Variants in CRX observed in about 807,000 individuals in gnomAD.
CRX encodes the protein cone-rod homeobox, also known as cone-rod homeobox protein.
CRX carries 5 observed loss-of-function variants against 13.1 expected under a neutral mutation model. The ratio of observed to expected loss-of-function variants is 0.38; its 90% CI spans 0.20 to 0.80. The LOEUF is 0.80. Ranked by LOEUF, CRX falls within the 30% of genes least tolerant of loss-of-function variation. The probability of loss-of-function intolerance (pLI) is 0.43; values close to 1 mark genes in which losing one functional copy is unlikely to be tolerated. For missense variants in CRX, 351 were observed against 391.8 expected, an observed-to-expected ratio of 0.90 and a Z score of 0.88; for synonymous variants, 179 against 171.1, an observed-to-expected ratio of 1.05 and a Z score of -0.36.
Position 47,839,186 on chromosome 19 carries a change from C to CA in CRX, c.253-133dup. On this transcript the variant is annotated intron_variant, in intron 3 of 3. Coordinates refer to ENST00000221996, the MANE Select transcript of CRX (RefSeq NM_000554.6). This position sits in a 1 kb window ranked among gnomAD's most constrained non-coding sequence, Gnocchi z 4.6. ...TGGATGGATGGGTGAATAGACGCCC[C>CA]ACAGCTGGATGCAAAGTAGACAGAT... 1 of 957,508 alleles carries CA rather than the reference C, an allele frequency of 1.0e-6. No homozygotes were observed. Among genetic ancestry groups the CA allele is most frequent in the East Asian group, 2.4e-5 (1 of 41,284 alleles). The allele number at this position is 957,508 out of a possible 1,614,324, so 59.3% of individuals were successfully genotyped here. A position where few individuals can be genotyped will look rare whatever the true frequency, so the allele number is the denominator to read the frequency against.
chr19:47,825,660 C>G (rs1967966284), intron 1 of CRX, among the ~76,000 whole-genome samples: 2 of 152,110 alleles, frequency 1.3e-5, no homozygotes, highest in South Asian at 4.1e-4. Context: ...TGGCCCACGC[C>G]TGTGATTCCA....
At chr19:47,834,285 T>G in intron 1 of CRX, 124 bp from the exon 2 acceptor site, 1 of 686,040 alleles carries the variant, frequency 1.5e-6, no homozygotes, top group Non-Finnish European at 2.7e-6. Flanking sequence ...TACAGAGAGG[T>G]GAGATAAATG....
At chr19:47,836,459 C>A in intron 3 of CRX, 65 bp downstream of exon 3, 1 of 1,601,340 alleles carries the variant, frequency 6.2e-7, no homozygotes, top group Non-Finnish European at 8.6e-7. Flanking sequence ...CTGCCCGGAA[C>A]AAAGAGTGAT....
chr19:47,828,739 C>T (rs73567759), intron 1 of CRX, among the ~76,000 whole-genome samples: 9,402 of 151,408 alleles, frequency 0.062, 365 homozygotes, highest in South Asian at 0.14. Flanking sequence ...GGGGGAGAGG[C>T]GTTCCTAGCC....
rs776533441 is a variant in CRX, at chr19:47,836,357, T to C, written c.215T>C (p.Val72Ala). 6.2e-7 allele frequency: 1 copy of C among 1,614,126 alleles called. No individual in the cohort carries two copies. The highest frequency in any genetic ancestry group is 8.5e-7 in the Non-Finnish European group (1 of 1,180,016). Residue 72 changes from valine (V) to alanine (A), a missense_variant, in exon 3 of 4, where the codon GTG (valine) becomes GCG (alanine). Physicochemically the swap from Val to Ala is moderately conservative, Grantham distance 64. Transcript: ENST00000221996. The stretch of plus-strand genomic sequence containing the variant: ...CCAGACGTCTATGCCCGTGAGGAGG[T>C]GGCTCTGAAGATCAATCTGCCTGAG... ...QYPDVYAREE[V>A]ALKINLPESR...
rs181162133 is a variant in CRX at position 47,827,624 on chromosome 19, C to T, written c.-36+5614C>T. ...TGCCATCTCAGCTCACTGCAACCTC[C>T]GCCTCCCGGGTTCAAGCGATTCTCA... On this transcript the variant is annotated intron_variant, in intron 1 of 3. Coordinates refer to ENST00000221996, the MANE Select transcript of CRX (RefSeq NM_000554.6). Among the ~76,000 whole-genome samples the T allele has an allele frequency of 3.4e-3, 496 of 144,028 alleles. 3 individuals are homozygous for T. Among genetic ancestry groups the T allele is most frequent in the Middle Eastern group, 0.023 (6 of 264 alleles). The allele number at this position is 144,028 out of a possible 152,430, so 94.5% of individuals were successfully genotyped here.
rs1487856231 is a variant in CRX at position 47,839,240 on chromosome 19, G to A, written c.253-80G>A. On this transcript the variant is annotated intron_variant, in intron 3 of 3. Coordinates refer to ENST00000221996, the MANE Select transcript of CRX (RefSeq NM_000554.6). The surrounding 1 kb of genome is among the most constrained non-coding windows in gnomAD (Gnocchi z 4.6). ...AACCCAGCACCTCTCACCAATAAGT[G>A]TCCTCATCCCCGGGCACCCTGCGGC... 1.3e-5 allele frequency: 19 copies of A among 1,467,730 alleles called. No homozygotes were observed. Among genetic ancestry groups the A allele is most frequent in the Non-Finnish European group, 1.8e-5 (19 of 1,080,858 alleles). The allele number at this position is 1,467,730 out of a possible 1,614,324, so 90.9% of individuals were successfully genotyped here. A position where few individuals can be genotyped will look rare whatever the true frequency, so the allele number is the denominator to read the frequency against.
In CRX at chr19:47,833,009, T is replaced by C. The variant is rs1599980097; in HGVS notation, c.-35-1400T>C. Among the ~76,000 whole-genome samples the C allele has an allele frequency of 4.0e-5, 6 of 149,058 alleles. No homozygotes were observed. The South Asian group carries it at 1.3e-3, about 32-fold the overall frequency. ...TGCCAACCTGATAGGTCAAAAGTGA[T>C]CATGGAAGATCCACACTCGCTTTTT... On this transcript the variant is annotated intron_variant, in intron 1 of 3. Transcript: ENST00000221996.
At position 47,834,551 on chromosome 19, in the gene CRX, C is replaced by T. The variant is rs375411321; in HGVS notation, c.100+8C>T. The T allele has an allele frequency of 4.6e-5, 74 of 1,610,116 alleles. No individual in the cohort carries two copies. Among genetic ancestry groups the T allele is most frequent in the Non-Finnish European group, 4.2e-5 (50 of 1,176,560 alleles). On this transcript the variant is annotated splice_region_variant and intron_variant, in intron 2 of 3. Coordinates refer to ENST00000221996, the MANE Select transcript of CRX (RefSeq NM_000554.6). ...AGGCTGTGCCCTACCCAAGTGAGTA[C>T]AGTCGTTTCTCTTGGCACCCCAGGC...
intron 1 of CRX, among the ~76,000 whole-genome samples, chr19:47,832,314 C>T (rs1968061290): frequency 6.6e-6 from 1 of 151,008 alleles, no homozygotes; most frequent in South Asian, 2.1e-4. Flanking sequence ...CCATGTTGGC[C>T]AGGCTGGTCT....
chr19:47,839,471 C>A lies in CRX; in HGVS notation c.404C>A (p.Pro135His). 1 of 1,614,032 alleles carries A rather than the reference C, an allele frequency of 6.2e-7. No homozygotes were observed. Among genetic ancestry groups the A allele is most frequent in the Non-Finnish European group, 8.5e-7 (1 of 1,179,950 alleles). ...CCCTCCACAGATGTGTGTCCAGACCCTCTGGGCATCTCAGATTCCTACAGT... is the reference window on the plus strand; with the variant it reads ...CCCTCCACAGATGTGTGTCCAGACCATCTGGGCATCTCAGATTCCTACAGT... ...PRPSTDVCPD[P>H]LGISDSYSPP... Residue 135 changes from proline (P) to histidine (H), a missense_variant, in exon 4 of 4, where the codon CCT becomes CAT. Physicochemically the swap from Pro to His is moderately conservative, Grantham distance 77 (BLOSUM62 -2). Around this residue, in one of 3 missense-constraint regions of CRX, gnomAD observed 253 missense variants for 268.3 expected, o/e 0.94. Transcript: ENST00000221996. The surrounding 1 kb of genome is among the most constrained non-coding windows in gnomAD (Gnocchi z 4.6).
rs1236994811 is a variant in CRX at position 47,841,684 on chromosome 19, C to G, written c.*1717C>G. On this transcript the variant is annotated 3_prime_UTR_variant, in exon 4 of 4. Coordinates refer to ENST00000221996, the MANE Select transcript of CRX (RefSeq NM_000554.6). Reference sequence around the variant, plus strand: ...CATTATTTCTTGAAATAGAATCTTACTTATGGTGACACTGGCAAGCACTTG... The same window carrying G: ...CATTATTTCTTGAAATAGAATCTTAGTTATGGTGACACTGGCAAGCACTTG... 2 of 148,178 alleles carry G rather than the reference C, an allele frequency of 1.3e-5. No homozygotes were observed. The highest frequency in any genetic ancestry group is 3.0e-5 in the Non-Finnish European group (2 of 67,624). The allele number at this position is 148,178 out of a possible 1,614,324, so 9.2% of individuals were successfully genotyped here.
chr19:47,834,531 G>C lies in CRX; in HGVS notation c.88G>C (p.Val30Leu). 2 of 1,613,820 alleles carry C rather than the reference G, an allele frequency of 1.2e-6. No homozygotes were observed. Among genetic ancestry groups the C allele is most frequent in the Non-Finnish European group, 1.7e-6 (2 of 1,179,870 alleles). ...GPSVDLMHQA[V>L]PYPSAPRKQR... Reference sequence around the variant, plus strand: ...CAGTGTGGATCTGATGCACCAGGCTGTGCCCTACCCAAGTGAGTACAGTCG... The same window carrying C: ...CAGTGTGGATCTGATGCACCAGGCTCTGCCCTACCCAAGTGAGTACAGTCG... The change falls in exon 2 of 4, where the codon GTG becomes CTG. Residue 30 changes from valine to leucine, a missense_variant. By Grantham distance (32) the Val-to-Leu change is conservative (BLOSUM62 1). Coordinates refer to ENST00000221996, the MANE Select transcript of CRX (RefSeq NM_000554.6).
intron 1 of CRX, among the ~76,000 whole-genome samples, chr19:47,826,496 T>G (rs1967976569): frequency 6.6e-6 from 1 of 152,148 alleles, no homozygotes; most frequent in Non-Finnish European, 1.5e-5. Flanking sequence ...TCCCAGCTAC[T>G]TGGGAGGCTG....
At position 47,839,740 on chromosome 19, in the gene CRX, A is replaced by C. The variant is rs765976845; in HGVS notation, c.673A>C (p.Met225Leu). 1.2e-5 allele frequency: 20 copies of C among 1,613,466 alleles called. No homozygotes were observed. Among genetic ancestry groups the C allele is most frequent in the Admixed American group, 5.0e-5 (3 of 59,966 alleles). ...FSGLDPYLSP[M>L]VPQLGGPALS... ...CGGCCTAGACCCCTACCTTTCTCCC[A>C]TGGTGCCCCAGCTAGGGGGCCCGGC... The change falls in exon 4 of 4, where the codon ATG (methionine) becomes CTG (leucine). Residue 225 changes from methionine to leucine, a missense_variant. Around this residue, in one of 3 missense-constraint regions of CRX, gnomAD observed 253 missense variants for 268.3 expected, o/e 0.94. Transcript: ENST00000221996. This position sits in a 1 kb window ranked among gnomAD's most constrained non-coding sequence, Gnocchi z 4.6.
chr19:47,822,355 G>T (rs969436923), intron 1 of CRX, among the ~76,000 whole-genome samples: 3 of 152,200 alleles, frequency 2.0e-5, no homozygotes, highest in African/African-American at 7.2e-5. Flanking sequence ...TCAGCATACC[G>T]CTCTGTTGGA....
chr19:47,840,231 C>G lies in CRX; in HGVS notation c.*264C>G. The G allele has an allele frequency of 2.1e-6, 1 of 484,688 alleles. No individual in the cohort carries two copies. The highest frequency in any genetic ancestry group is 3.7e-6 in the Non-Finnish European group (1 of 266,804). 30.0% of individuals were successfully genotyped at this position (484,688 alleles called of 1,614,324 possible). A position where few individuals can be genotyped will look rare whatever the true frequency, so the allele number is the denominator to read the frequency against. Reference sequence around the variant, plus strand: ...GCACGATTGTGACCGCTGAAGTACACCACGAGCTCCAGGCTTCAGAAAGTG... The same window carrying G: ...GCACGATTGTGACCGCTGAAGTACAGCACGAGCTCCAGGCTTCAGAAAGTG... On this transcript the variant is annotated 3_prime_UTR_variant, in exon 4 of 4. Transcript: ENST00000221996.
chr19:47,827,749 C>T (rs1450240019), intron 1 of CRX, among the ~76,000 whole-genome samples: 1 of 136,524 alleles, frequency 7.3e-6, no homozygotes, highest in East Asian at 2.2e-4. Flanking sequence ...TCTCAAACTC[C>T]TGACCTCAAG....
chr19:47,836,893 C>T (rs1028466204), intron 3 of CRX, among the ~76,000 whole-genome samples: 3 of 151,824 alleles, frequency 2.0e-5, no homozygotes, highest in African/African-American at 7.3e-5. Flanking sequence ...ACTGAATAGA[C>T]GGATGGATGG....
Sources: allele counts gnomAD v4.1 joint callset (sites outside exome capture counted in the v4.1 genomes callset), GRCh38; gene constraint gnomAD v4.1.1; regional missense constraint gnomAD v4.1.1; non-coding constraint Gnocchi (gnomAD v3.1); transcripts MANE v1.5; gene names NCBI Gene and HGNC (gene_info 2026-07-23, HGNC 2026-07-21).